The following UGT8 variants were observed in gnomAD, a reference collection of about 807,000 sequenced individuals.
UGT8 encodes the protein 2-hydroxyacylsphingosine 1-beta-galactosyltransferase.
In UGT8, 12 loss-of-function variants were observed where a neutral mutation model predicts 40.5. The ratio of observed to expected loss-of-function variants is 0.30; its 90% CI spans 0.19 to 0.48. The LOEUF (loss-of-function observed/expected upper bound fraction) is 0.48. Ranked by LOEUF, UGT8 falls within the 20% of genes least tolerant of loss-of-function variation. UGT8 has a pLI of 0.99. For missense variants in UGT8, 513 were observed against 648.7 expected (o/e 0.79, Z 2.27); for synonymous variants, 224 against 240.4 (o/e 0.93, Z 0.63).
At chr4:114,605,262 G>A (rs189496286) in intron 1 of UGT8, among the ~76,000 whole-genome samples, 50 of 152,268 alleles carry the variant, frequency 3.3e-4, no homozygotes, top group Admixed American at 1.1e-3. Context: ...AAAACATTTA[G>A]ATTAGATGGA....
chr4:114,675,826 T>G (rs2126142345), intron 5 of UGT8, 99 bp from the exon 6 acceptor site: 1 of 1,388,188 alleles, frequency 7.2e-7, no homozygotes. Context: ...TACTAAAGAA[T>G]AGTTGTTTTA....
In UGT8 at chr4:114,658,644, T is replaced by G. The variant is rs552183529; in HGVS notation, c.823-5351T>G. ...TACTTGCACTGTTTCTGAAGCTCAT[T>G]TTTTAAGAAGCTACTTACAATTTTC... On this transcript the variant is annotated intron_variant, in intron 2 of 5. Coordinates refer to ENST00000310836, the MANE Select transcript of UGT8 (RefSeq NM_001128174.3). Among the ~76,000 whole-genome samples the G allele has an allele frequency of 2.0e-5, 3 of 152,342 alleles. No individual in the cohort carries two copies. The South Asian group carries it at 6.2e-4, about 32-fold the overall frequency.
intron 1 of UGT8, among the ~76,000 whole-genome samples, chr4:114,621,528 G>A (rs1286672368): frequency 3.3e-5 from 5 of 152,174 alleles, no homozygotes; most frequent in Middle Eastern, 3.4e-3. Flanking sequence ...TCTTTCTTTG[G>A]TATGCTTTGA....
rs947004163 is a variant in UGT8, at chr4:114,637,177, G to A, written c.822+13475G>A. 4.6e-5 allele frequency among the ~76,000 whole-genome samples: 7 copies of A among 152,124 alleles called. No individual in the cohort carries two copies. The South Asian group carries it at 8.3e-4, about 18-fold the overall frequency. On this transcript the variant is annotated intron_variant, in intron 2 of 5. Transcript: ENST00000310836. ...AGTTTTATGGTCCACTCCTACGGGC[G>A]ATTATGGCTCAAACTTTGAGGAAGG...
intron 2 of UGT8, among the ~76,000 whole-genome samples, chr4:114,655,399 A>T (rs572934860): frequency 1.3e-5 from 2 of 152,140 alleles, no homozygotes; most frequent in South Asian, 4.2e-4. Context: ...TTTGAAACAA[A>T]GATTATTGGT....
At chr4:114,658,998 G>A (rs1734357620) in intron 2 of UGT8, among the ~76,000 whole-genome samples, 1 of 152,082 alleles carries the variant, frequency 6.6e-6, no homozygotes, top group Non-Finnish European at 1.5e-5. Flanking sequence ...GCTTAAGCTG[G>A]ACAGTACCAC....
chr4:114,634,560 C>G (rs1313764536), intron 2 of UGT8, among the ~76,000 whole-genome samples: 2 of 151,654 alleles, frequency 1.3e-5, no homozygotes, highest in Non-Finnish European at 2.9e-5. Context: ...TTGGATGTTT[C>G]CATGAGTTAG....
rs752086272 is a variant in UGT8, at chr4:114,656,758, T to C, written c.823-7237T>C. 4 of 518,636 alleles carry C rather than the reference T, an allele frequency of 7.7e-6. No individual in the cohort carries two copies. The East Asian group carries it at 2.2e-4, about 29-fold the overall frequency. The allele number at this position is 518,636 out of a possible 1,614,324, so 32.1% of individuals were successfully genotyped here. A position where few individuals can be genotyped will look rare whatever the true frequency, so the allele number is the denominator to read the frequency against. On this transcript the variant is annotated intron_variant, in intron 2 of 5. Transcript: ENST00000310836. ...TTCAGGCACCCAAGGCAGGCTGTAT[T>C]TGGGGGAGTGAAGAGTAGATAAAAT... is the stretch of plus-strand genomic sequence containing the variant.
At position 114,646,991 on chromosome 4, in the gene UGT8, C is replaced by T. The variant is rs150468406; in HGVS notation, c.823-17004C>T. ...GGGAAAGAAGCATGTTTCCGTCACT[C>T]GGATTTAGTCTGAACTCTTCATTCT... On this transcript the variant is annotated intron_variant, in intron 2 of 5. Coordinates refer to ENST00000310836, the MANE Select transcript of UGT8 (RefSeq NM_001128174.3). Among the ~76,000 whole-genome samples, 733 of 152,142 alleles carry T rather than the reference C, an allele frequency of 4.8e-3. 6 individuals are homozygous for T. The highest frequency in any genetic ancestry group is 7.4e-3 in the Non-Finnish European group (504 of 67,994).
At position 114,653,017 on chromosome 4, in the gene UGT8, C is replaced by T. The variant is rs145706813; in HGVS notation, c.823-10978C>T. The stretch of plus-strand genomic sequence containing the variant: ...CTTTCCTTGAGATGACCAAGCCACT[C>T]ATCCCAGGATTAATGTACCATTGCC... On this transcript the variant is annotated intron_variant, in intron 2 of 5. Coordinates refer to ENST00000310836, the MANE Select transcript of UGT8 (RefSeq NM_001128174.3). Among the ~76,000 whole-genome samples, 8 of 152,180 alleles carry T rather than the reference C, an allele frequency of 5.3e-5. No homozygotes were observed. In the East Asian group the frequency reaches 1.5e-3, roughly 29 times the overall value.
intron 2 of UGT8, among the ~76,000 whole-genome samples, chr4:114,635,559 T>C (rs1411628957): frequency 6.6e-6 from 1 of 152,184 alleles, no homozygotes; most frequent in Non-Finnish European, 1.5e-5. Flanking sequence ...CTTTTTGTGA[T>C]AGAGAATTTG....
chr4:114,622,709 T>C (rs1731894807), intron 1 of UGT8, 170 bp from the exon 2 acceptor site: 1 of 575,666 alleles, frequency 1.7e-6, no homozygotes, highest in South Asian at 2.8e-5. Context: ...CATTTTTTCA[T>C]GTGTTTTTTG....
chr4:114,607,475 C>A (rs1180514022), intron 1 of UGT8, among the ~76,000 whole-genome samples: 1 of 152,142 alleles, frequency 6.6e-6, no homozygotes, highest in Non-Finnish European at 1.5e-5. Flanking sequence ...TGTGCCTCTT[C>A]TTCCTTCCTG....
chr4:114,665,420 T>C, intron 3 of UGT8: 3 of 985,396 alleles, frequency 3.0e-6, no homozygotes, highest in Non-Finnish European at 3.6e-6. Flanking sequence ...CATCTCTGTA[T>C]GTGTATAGGC....
intron 1 of UGT8, among the ~76,000 whole-genome samples, chr4:114,600,713 TG>T (rs963150928): frequency 2.0e-5 from 3 of 152,198 alleles, no homozygotes; most frequent in Non-Finnish European, 4.4e-5. Context: ...ATTAGAGTCA[TG>T]CATCTTAATA....
At chr4:114,609,423 T>C (rs1382895375) in intron 1 of UGT8, among the ~76,000 whole-genome samples, 1 of 152,236 alleles carries the variant, frequency 6.6e-6, no homozygotes, top group African/African-American at 2.4e-5. Flanking sequence ...AGTTAGACTT[T>C]ATCTGAATAT....
At chr4:114,641,805 T>G (rs541290965) in intron 2 of UGT8, among the ~76,000 whole-genome samples, 2 of 152,280 alleles carry the variant, frequency 1.3e-5, no homozygotes, top group South Asian at 4.1e-4. Context: ...AGATCAAAAT[T>G]TCTTTATTGC....
At chr4:114,664,788 C>A (rs1382801981) in intron 3 of UGT8, among the ~76,000 whole-genome samples, 1 of 152,136 alleles carries the variant, frequency 6.6e-6, no homozygotes, top group African/African-American at 2.4e-5. Flanking sequence ...ATTTATTGAG[C>A]ACGTACTACC....
chr4:114,665,314 C>A, intron 3 of UGT8: 1 of 894,158 alleles, frequency 1.1e-6, no homozygotes, highest in Non-Finnish European at 1.3e-6. Context: ...TGGCAGCTCT[C>A]CCTGCTCCTT....
Sources: gnomAD v4.1 joint callset for allele counts (sites outside exome capture counted in the v4.1 genomes callset) on GRCh38, gnomAD v4.1.1 for gene constraint, MANE v1.5 for transcripts, NCBI Gene and HGNC (gene_info 2026-07-23, HGNC 2026-07-21) for gene names.